The following GGTLC1 variants were observed in gnomAD, a reference collection of about 807,000 sequenced individuals.
GGTLC1 encodes the protein glutathione hydrolase light chain 1.
Under a neutral mutation model 19.5 loss-of-function variants are expected in GGTLC1, and 14 were observed. The observed-to-expected ratio is 0.72, with a 90% CI of 0.47 to 1.12. The LOEUF is 1.12. Ranked by LOEUF, GGTLC1 falls within the 50% of genes most tolerant of loss-of-function variation. The pLI, the probability that GGTLC1 is intolerant of heterozygous loss-of-function variation, is 0.00. For missense variants in GGTLC1, 304 were observed against 309.2 expected (o/e 0.98, Z 0.13); for synonymous variants, 110 against 124.2 (o/e 0.89, Z 0.76).
At chr20:23,987,116 A>G (rs1489870685) in intron 1 of GGTLC1, among the ~76,000 whole-genome samples, 1 of 152,178 alleles carries the variant, frequency 6.6e-6, no homozygotes, top group Non-Finnish European at 1.5e-5. Context: ...AATGTGGCCT[A>G]AATGGTCAGT....
chr20:23,988,066 A>AAT (rs1347693891), intron 1 of GGTLC1, among the ~76,000 whole-genome samples: 2 of 107,332 alleles, frequency 1.9e-5, no homozygotes, highest in African/African-American at 7.1e-5. Context: ...AAAAAAAAAA[A>AAT]AAGAGTCTGG....
At chr20:23,988,480 A>C in intron 1 of GGTLC1, 129 bp downstream of exon 1, 1 of 239,396 alleles carries the variant, frequency 4.2e-6, no homozygotes, top group Non-Finnish European at 6.9e-6. Flanking sequence ...ATCCACGGGC[A>C]GATCTGCCGC....
At position 23,985,410 on chromosome 20, in the gene GGTLC1, C is replaced by A. The variant is rs373955651; in HGVS notation, c.532-48G>T. On this transcript the variant is annotated intron_variant, in intron 5 of 5. Transcript: ENST00000335694. ...AGCCTGAGCAGGGCTCCAGATGCCA[C>A]CTGAACCACACCTGTGTGGTCACAG... 97 of 1,611,102 alleles carry A rather than the reference C, an allele frequency of 6.0e-5. No homozygotes were observed. The African/African-American group carries it at 1.2e-3, about 21-fold the overall frequency.
Position 23,986,059 on chromosome 20 carries a change from G to A in GGTLC1, c.304+17C>T, listed in dbSNP as rs375863293. On this transcript the variant is annotated intron_variant, in intron 3 of 5. Coordinates refer to ENST00000335694, the MANE Select transcript of GGTLC1 (RefSeq NM_178311.3). ...CTCTCCACCCCAGTCCCCCACCCTC[G>A]GACCTCCACCCCATACCTGGCTGGA... 52 of 1,370,376 alleles carry A rather than the reference G, an allele frequency of 3.8e-5. No individual in the cohort carries two copies. The highest frequency in any genetic ancestry group is 4.3e-5 in the Non-Finnish European group (44 of 1,015,100). The allele number at this position is 1,370,376 out of a possible 1,614,324, so 84.9% of individuals were successfully genotyped here.
rs755421921 is a variant in GGTLC1, at chr20:23,986,105, G to A, written c.275C>T (p.Pro92Leu). ...CTGGATGAAATTGGCAGGTGAGGGG[G>A]GTACCCCAAACTCGTTGGTGATGCT... ...STSITNEFGV[P>L]PSPANFIQPG... The change falls in exon 3 of 6, where the codon CCC becomes CTC. Residue 92 changes from proline (P) to leucine (L), a missense_variant. By Grantham distance (98) the Pro-to-Leu change is moderately conservative. Transcript: ENST00000335694. The A allele has an allele frequency of 5.0e-5, 81 of 1,613,706 alleles. No homozygotes were observed. Among genetic ancestry groups the A allele is most frequent in the Non-Finnish European group, 6.6e-5 (78 of 1,179,850 alleles).
chr20:23,986,785 A>T, intron 1 of GGTLC1, 140 bp from the exon 2 acceptor site: 1 of 1,431,562 alleles, frequency 7.0e-7, no homozygotes, highest in Non-Finnish European at 9.4e-7. Context: ...ACCTTGCATG[A>T]CCAGTCTGAC....
chr20:23,985,447 G>A, intron 5 of GGTLC1, 85 bp from the exon 6 acceptor site: 2 of 1,609,660 alleles, frequency 1.2e-6, no homozygotes, highest in Non-Finnish European at 1.7e-6. Context: ...CCTCAGCCCA[G>A]GTGGTGCCAT....
rs576991624 is a variant in GGTLC1 at position 23,987,825 on chromosome 20, G to A, written c.-35+784C>T. Among the ~76,000 whole-genome samples, 151 of 149,322 alleles carry A rather than the reference G, an allele frequency of 1.0e-3. 4 individuals carry two copies. In the East Asian group the frequency reaches 0.029, roughly 29 times the overall value. On this transcript the variant is annotated intron_variant, in intron 1 of 5. Coordinates refer to ENST00000335694, the MANE Select transcript of GGTLC1 (RefSeq NM_178311.3). ...TGTAATCCCAGCACTTTGGGAGGGCGGATCACGACGTCAGGAGATCGAGAC... is the reference window on the plus strand; with the variant it reads ...TGTAATCCCAGCACTTTGGGAGGGCAGATCACGACGTCAGGAGATCGAGAC...
chr20:23,985,168 G>T lies in GGTLC1; in HGVS notation c.*48C>A, dbSNP rs763744816. 6.2e-7 allele frequency: 1 copy of T among 1,611,592 alleles called. No individual in the cohort carries two copies. Among genetic ancestry groups the T allele is most frequent in the Non-Finnish European group, 8.5e-7 (1 of 1,179,604 alleles). On this transcript the variant is annotated 3_prime_UTR_variant, in exon 6 of 6. Transcript: ENST00000335694. ...CCAAAGTCCTCTTCCTCGTCCTGGTGAGTATTTTGTTCCTGGATTGCTTGT... is the reference window on the plus strand; with the variant it reads ...CCAAAGTCCTCTTCCTCGTCCTGGTTAGTATTTTGTTCCTGGATTGCTTGT...
chr20:23,988,246 C>T (rs897669024), intron 1 of GGTLC1, among the ~76,000 whole-genome samples: 2 of 151,322 alleles, frequency 1.3e-5, no homozygotes, highest in Admixed American at 6.6e-5. Flanking sequence ...CGGGGTTTCG[C>T]TATGTTGGCC....
At chr20:23,987,058 T>G in intron 1 of GGTLC1, among the ~76,000 whole-genome samples, 1 of 150,802 alleles carries the variant, frequency 6.6e-6, no homozygotes, top group East Asian at 2.0e-4. Context: ...ATGGGCAGAG[T>G]GGTTAGGGAG....
chr20:23,987,384 T>C (rs1411780170), intron 1 of GGTLC1, among the ~76,000 whole-genome samples: 1 of 152,074 alleles, frequency 6.6e-6, no homozygotes, highest in African/African-American at 2.4e-5. Context: ...GCTGTGGGTA[T>C]CAACCAGGCA....
rs948224726 is a variant in GGTLC1 at position 23,986,142 on chromosome 20, A to G, written c.238T>C (p.Phe80Leu). Residue 80 changes from phenylalanine (F) to leucine (L), a missense_variant, in exon 3 of 6, where the codon TTC becomes CTC. Physicochemically the swap from Phe to Leu is conservative, Grantham distance 22. Transcript: ENST00000335694. ...TCGTTGGTGATGCTGGTAGAGCTGAAGTCATCCATTTCATTATTGAGCAGG... is the reference window on the plus strand; with the variant it reads ...TCGTTGGTGATGCTGGTAGAGCTGAGGTCATCCATTTCATTATTGAGCAGG... ...GILLNNEMDD[F>L]SSTSITNEFG... The G allele has an allele frequency of 1.2e-6, 2 of 1,613,726 alleles. No homozygotes were observed. The highest frequency in any genetic ancestry group is 2.7e-5 in the African/African-American group (2 of 74,904).
intron 1 of GGTLC1, among the ~76,000 whole-genome samples, chr20:23,988,217 TTTGTA>T (rs895747039): frequency 2.0e-5 from 3 of 149,662 alleles, no homozygotes; most frequent in Non-Finnish European, 4.4e-5. Flanking sequence ...TCTGACTAAA[TTTGTA>T]TTTTTACTAG....
At position 23,985,724 on chromosome 20, in the gene GGTLC1, G is replaced by A. The variant is rs751009474; in HGVS notation, c.474C>T (p.Pro158=). 1.9e-6 allele frequency: 3 copies of A among 1,612,032 alleles called. No individual in the cohort carries two copies. The highest frequency in any genetic ancestry group is 2.2e-5 in the South Asian group (2 of 90,990). The change falls in exon 5 of 6, where the codon CCC becomes CCT. Residue 158 remains proline (P), a synonymous_variant. Transcript: ENST00000335694. ...GYDVKWAVEE[P]RLHNQLLPNV... Reference sequence around the variant, plus strand: ...TGGGCAGAAGCTGGTTGTGCAGCCGGGGCTCCTCCACGGCCCACTTCACGT... The same window carrying A: ...TGGGCAGAAGCTGGTTGTGCAGCCGAGGCTCCTCCACGGCCCACTTCACGT...
chr20:23,985,794 G>A lies in GGTLC1; in HGVS notation c.418-14C>T, dbSNP rs1371957046. On this transcript the variant is annotated splice_polypyrimidine_tract_variant and intron_variant, in intron 4 of 5. Coordinates refer to ENST00000335694, the MANE Select transcript of GGTLC1 (RefSeq NM_178311.3). ...GTAGATGATGGCCTGGGGCATGGGA[G>A]TGTGATCAGCATGGCTTGGGGGCTG... 26 of 1,611,814 alleles carry A rather than the reference G, an allele frequency of 1.6e-5. No homozygotes were observed. The highest frequency in any genetic ancestry group is 2.0e-5 in the Non-Finnish European group (24 of 1,179,870).
chr20:23,987,729 C>T lies in GGTLC1; in HGVS notation c.-35+880G>A, dbSNP rs931550789. 2.6e-5 allele frequency among the ~76,000 whole-genome samples: 4 copies of T among 151,552 alleles called. No homozygotes were observed. In the East Asian group the frequency reaches 7.9e-4, roughly 30 times the overall value. ...ATGGACCCGAAGGCCGAAGAAAATG[C>T]CTCAAGGGAGTTTCAACACCGGGCG... On this transcript the variant is annotated intron_variant, in intron 1 of 5. Coordinates refer to ENST00000335694, the MANE Select transcript of GGTLC1 (RefSeq NM_178311.3).
At chr20:23,986,397 C>T (rs867208162) in intron 2 of GGTLC1, 39 bp downstream of exon 2, 2 of 1,608,212 alleles carry the variant, frequency 1.2e-6, no homozygotes, top group Non-Finnish European at 8.5e-7. Context: ...GCCACCCTCC[C>T]CTGGCCCTTT....
intron 1 of GGTLC1, 81 bp from the exon 2 acceptor site, chr20:23,986,726 G>A: frequency 2.0e-6 from 3 of 1,516,906 alleles, no homozygotes; most frequent in Non-Finnish European, 2.7e-6. Flanking sequence ...ACAACCCTCT[G>A]GCACCCACAA....
Sources: gnomAD v4.1 joint callset for allele counts (sites outside exome capture counted in the v4.1 genomes callset) on GRCh38, gnomAD v4.1.1 for gene constraint, MANE v1.5 for transcripts, NCBI Gene and HGNC (gene_info 2026-07-23, HGNC 2026-07-21) for gene names.